The following TRAPPC8 variants were observed in gnomAD, a reference collection of about 807,000 sequenced individuals.
TRAPPC8 encodes general sporulation gene 1 homolog.
TRAPPC8 carries 54 observed loss-of-function variants against 174.3 expected under a neutral mutation model. That is an observed-to-expected ratio of 0.31 (90% confidence interval 0.25 to 0.39). The LOEUF (loss-of-function observed/expected upper bound fraction) is 0.39. Ranked by LOEUF, TRAPPC8 falls within the 10% of genes least tolerant of loss-of-function variation. The probability of loss-of-function intolerance (pLI) is 1.00; values close to 1 mark genes in which losing one functional copy is unlikely to be tolerated. For synonymous variants in TRAPPC8, 630 were observed against 579.9 expected (o/e 1.09, Z -1.24); for missense variants, 1,531 against 1,699.1 (o/e 0.90, Z 1.74).
intron 4 of TRAPPC8, among the ~76,000 whole-genome samples, chr18:31,914,454 A>G (rs912842471): frequency 6.6e-6 from 1 of 152,230 alleles, no homozygotes; most frequent in Admixed American, 6.5e-5. Context: ...CAACCATTCA[A>G]TACGGAAGAC....
At chr18:31,859,472 C>T (rs934738838) in intron 19 of TRAPPC8, among the ~76,000 whole-genome samples, 10 of 152,080 alleles carry the variant, frequency 6.6e-5, no homozygotes, top group Non-Finnish European at 7.4e-5. Flanking sequence ...AGCTTATAGT[C>T]GAGCTAAAAC....
At chr18:31,918,709 T>C (rs534920909) in intron 2 of TRAPPC8, among the ~76,000 whole-genome samples, 2 of 152,366 alleles carry the variant, frequency 1.3e-5, no homozygotes, top group South Asian at 4.1e-4. Context: ...ACATTTACCT[T>C]ACAATCAAAT....
At chr18:31,942,250 A>G (rs2144345444) in intron 1 of TRAPPC8, among the ~76,000 whole-genome samples, 1 of 152,254 alleles carries the variant, frequency 6.6e-6, no homozygotes, top group Admixed American at 6.5e-5. Flanking sequence ...AAGAGGCAGC[A>G]TTTTCCTACC....
At chr18:31,931,960 G>A (rs1442759800) in intron 1 of TRAPPC8, among the ~76,000 whole-genome samples, 3 of 152,128 alleles carry the variant, frequency 2.0e-5, no homozygotes, top group African/African-American at 2.4e-5. Flanking sequence ...TTCCCTAGTC[G>A]GCCTGCATTC....
At chr18:31,852,349 A>C in intron 24 of TRAPPC8, 97 bp downstream of exon 24, 1 of 1,408,392 alleles carries the variant, frequency 7.1e-7, no homozygotes, top group Non-Finnish European at 9.8e-7. Context: ...CCCCAAAAAA[A>C]AGCGTTTGGG....
At chr18:31,936,901 TTAAA>T (rs2038125154) in intron 1 of TRAPPC8, among the ~76,000 whole-genome samples, 1 of 72,730 alleles carries the variant, frequency 1.4e-5, no homozygotes, top group Non-Finnish European at 2.6e-5. Flanking sequence ...GACTCCGTCT[TTAAA>T]AAAAAAAAAA....
At chr18:31,939,082 C>CAAA (rs397963630) in intron 1 of TRAPPC8, among the ~76,000 whole-genome samples, 895 of 67,088 alleles carry the variant, frequency 0.013, 51 homozygotes, top group East Asian at 0.022. Context: ...GACTCCGTCT[C>CAAA]AAAAAAAAAA....
intron 14 of TRAPPC8, 102 bp from the exon 15 acceptor site, chr18:31,871,222 A>C (rs902636195): frequency 1.8e-6 from 1 of 556,668 alleles, no homozygotes. Flanking sequence ...ATATATATAT[A>C]CATTCACTCT....
At chr18:31,931,143 ATAC>A (rs1260127033) in intron 2 of TRAPPC8, among the ~76,000 whole-genome samples, 183 bp downstream of exon 2, 2 of 152,230 alleles carry the variant, frequency 1.3e-5, no homozygotes, top group East Asian at 1.9e-4. Flanking sequence ...TATGTTCTAG[ATAC>A]TACTTTAGGT....
At chr18:31,854,484 G>A (rs929931159) in intron 21 of TRAPPC8, among the ~76,000 whole-genome samples, 1 of 151,916 alleles carries the variant, frequency 6.6e-6, no homozygotes, top group Admixed American at 6.6e-5. Context: ...ATTGATTTTT[G>A]GGGGGAGATC....
At chr18:31,926,273 T>C (rs1167923953) in intron 2 of TRAPPC8, among the ~76,000 whole-genome samples, 2 of 152,206 alleles carry the variant, frequency 1.3e-5, no homozygotes, top group Admixed American at 1.3e-4. Flanking sequence ...TAAGATTTTT[T>C]TGTCCCCCAA....
chr18:31,886,198 G>T (rs145156467), intron 12 of TRAPPC8, among the ~76,000 whole-genome samples: 8,117 of 151,546 alleles, frequency 0.054, 272 homozygotes, highest in Middle Eastern at 0.12. Flanking sequence ...TAGTAGAGAT[G>T]GGGTTTCTCC....
At chr18:31,850,563 T>C (rs527828635) in intron 24 of TRAPPC8, among the ~76,000 whole-genome samples, 4 of 152,316 alleles carry the variant, frequency 2.6e-5, no homozygotes, top group African/African-American at 7.2e-5. Context: ...ATGAATATTA[T>C]GCCACATAAT....
intron 2 of TRAPPC8, among the ~76,000 whole-genome samples, chr18:31,921,082 A>G (rs1162370856): frequency 1.3e-5 from 2 of 152,148 alleles, no homozygotes; most frequent in Admixed American, 6.6e-5. Context: ...AAGAAAGGGG[A>G]AAAATCTCTA....
intron 12 of TRAPPC8, among the ~76,000 whole-genome samples, chr18:31,876,492 A>AAAAAAAAAAAAAAAAAAC (rs2035156921): frequency 8.2e-6 from 1 of 122,398 alleles, no homozygotes; most frequent in Non-Finnish European, 1.8e-5. Context: ...TCCATCTCAA[A>AAAAAAAAAAAAAAAAAAC]AAAAAAAAAA....
At chr18:31,930,584 T>G (rs965642078) in intron 2 of TRAPPC8, among the ~76,000 whole-genome samples, 1 of 152,222 alleles carries the variant, frequency 6.6e-6, no homozygotes, top group Non-Finnish European at 1.5e-5. Flanking sequence ...CAATTAAGAC[T>G]TTTTAATATT....
chr18:31,912,651 ACT>A (rs1348051876), intron 5 of TRAPPC8, among the ~76,000 whole-genome samples: 5 of 151,834 alleles, frequency 3.3e-5, no homozygotes, highest in Admixed American at 1.3e-4. Flanking sequence ...ACAGAGCAAC[ACT>A]CTGTTTCAAA....
intron 5 of TRAPPC8, among the ~76,000 whole-genome samples, chr18:31,911,871 CAAAAAAAAA>C (rs35950290): frequency 2.1e-5 from 2 of 93,746 alleles, no homozygotes; most frequent in Non-Finnish European, 2.2e-5. Context: ...GATCCTGTCT[CAAAAAAAAA>C]AAAAAAAAAA....
chr18:31,884,854 GTTT>G (rs778327825), intron 12 of TRAPPC8, among the ~76,000 whole-genome samples: 2 of 139,150 alleles, frequency 1.4e-5, no homozygotes, highest in African/African-American at 2.7e-5. Context: ...AAAAAATTAA[GTTT>G]TTTTTTTTTT....
Sources: allele counts gnomAD v4.1 joint callset (sites outside exome capture counted in the v4.1 genomes callset), GRCh38; gene constraint gnomAD v4.1.1; transcripts MANE v1.5; gene names NCBI Gene and HGNC (gene_info 2026-07-23, HGNC 2026-07-21).